BAZ2B: variants seen among roughly 807,000 people sequenced by gnomAD.
BAZ2B encodes bromodomain adjacent to zinc finger domain protein 2B.
In BAZ2B, 91 loss-of-function variants were observed where a neutral mutation model predicts 246.0. That is an observed-to-expected ratio of 0.37 (90% CI 0.31 to 0.44). The LOEUF (loss-of-function observed/expected upper bound fraction) is 0.44, where lower values mean the gene tolerates loss of function less well. BAZ2B is among the 20% of genes least tolerant of loss of function. BAZ2B has a pLI of 1.00. For synonymous variants in BAZ2B, 855 were observed against 860.0 expected (o/e 0.99, Z 0.10); for missense variants, 2,332 against 2,533.7 (o/e 0.92, Z 1.71).
intron 27 of BAZ2B, among the ~76,000 whole-genome samples, chr2:159,355,791 G>A (rs1185040628): frequency 6.6e-6 from 1 of 152,096 alleles, no homozygotes; most frequent in Non-Finnish European, 1.5e-5. Flanking sequence ...GAGGTACTTG[G>A]CTCATCTCAT....
At chr2:159,316,814 A>G (rs2062178979), downstream of BAZ2B, among the ~76,000 whole-genome samples, 1 of 151,700 alleles carries the variant, frequency 6.6e-6, no homozygotes, top group South Asian at 2.1e-4. Context: ...AGCCTGGCCA[A>G]TATAGTGAAA....
the BAZ2B span, among the ~76,000 whole-genome samples, chr2:159,673,755 TA>T: frequency 6.6e-6 from 1 of 151,880 alleles, no homozygotes; most frequent in Non-Finnish European, 1.5e-5. Context: ...ATCAAAACTA[TA>T]AAAAAGTACA....
chr2:159,574,208 A>G (rs1418034327), intron 1 of BAZ2B, among the ~76,000 whole-genome samples: 1 of 151,968 alleles, frequency 6.6e-6, no homozygotes, highest in African/African-American at 2.4e-5. Flanking sequence ...GTTTGAATAG[A>G]TATTTTATCA....
At chr2:159,456,140 A>G (rs942441520) in intron 3 of BAZ2B, among the ~76,000 whole-genome samples, 1 of 152,064 alleles carries the variant, frequency 6.6e-6, no homozygotes, top group Admixed American at 6.5e-5. Context: ...CCTCAAAATT[A>G]CAAAAGCTAT....
chr2:159,561,143 T>C (rs750247400), intron 1 of BAZ2B, among the ~76,000 whole-genome samples: 6 of 152,182 alleles, frequency 3.9e-5, no homozygotes, highest in Non-Finnish European at 5.9e-5. Context: ...CAGTGTGATA[T>C]TGCAGGAAAG....
intron 2 of BAZ2B, 54 bp from the exon 3 acceptor site, chr2:159,478,775 A>C: frequency 7.5e-7 from 1 of 1,329,648 alleles, no homozygotes; most frequent in South Asian, 2.1e-5. Flanking sequence ...TTTTTTCAAA[A>C]GAATTCAACA....
intron 2 of BAZ2B, among the ~76,000 whole-genome samples, chr2:159,501,039 G>A (rs2081647727): frequency 7.0e-6 from 1 of 142,580 alleles, no homozygotes; most frequent in Admixed American, 7.3e-5. Flanking sequence ...GGAGGCTGAG[G>A]CAGGCGGACT....
the BAZ2B span, among the ~76,000 whole-genome samples, chr2:159,640,280 T>C: frequency 1.3e-5 from 2 of 152,242 alleles, no homozygotes; most frequent in East Asian, 3.9e-4. Flanking sequence ...CTTTCAGCAT[T>C]GGACAGATCT....
chr2:159,576,346 A>G (rs1324741739), intron 1 of BAZ2B, among the ~76,000 whole-genome samples: 1 of 152,166 alleles, frequency 6.6e-6, no homozygotes, highest in East Asian at 1.9e-4. Flanking sequence ...ATTTACAGAA[A>G]AAAATAAAAG....
At chr2:159,491,389 T>C (rs2151021937) in intron 2 of BAZ2B, among the ~76,000 whole-genome samples, 1 of 152,154 alleles carries the variant, frequency 6.6e-6, no homozygotes, top group Non-Finnish European at 1.5e-5. Context: ...AATACTAGTG[T>C]TTGGGAGAAA....
chr2:159,463,003 T>G, intron 3 of BAZ2B: 2 of 785,102 alleles, frequency 2.5e-6, no homozygotes, highest in Non-Finnish European at 4.6e-6. Context: ...AAAACTCTGC[T>G]ATTACCCAGG....
At chr2:159,406,752 TTTC>T (rs1215595071) in intron 14 of BAZ2B, among the ~76,000 whole-genome samples, 2 of 152,070 alleles carry the variant, frequency 1.3e-5, no homozygotes, top group African/African-American at 2.4e-5. Context: ...AATTTTTCTT[TTTC>T]TTTCTTTTCT....
At chr2:159,617,440 T>C (rs533523459), upstream of BAZ2B, among the ~76,000 whole-genome samples, 23 of 152,040 alleles carry the variant, frequency 1.5e-4, 1 homozygote, top group South Asian at 3.1e-3. Context: ...AGCCTTAATC[T>C]TGATAACACT....
intron 36 of BAZ2B, among the ~76,000 whole-genome samples, chr2:159,321,134 A>G (rs2062666250): frequency 6.6e-6 from 1 of 152,240 alleles, no homozygotes; most frequent in Non-Finnish European, 1.5e-5. Flanking sequence ...GAGAAAAGAA[A>G]GGTGAATGAA....
At chr2:159,317,818 A>T (rs548349113), downstream of BAZ2B, among the ~76,000 whole-genome samples, 21 of 152,238 alleles carry the variant, frequency 1.4e-4, no homozygotes, top group Admixed American at 1.1e-3. Flanking sequence ...AGCCCAACCA[A>T]GGGCACTGGG....
At chr2:159,496,486 G>GAAAA in intron 2 of BAZ2B, among the ~76,000 whole-genome samples, 1 of 108,576 alleles carries the variant, frequency 9.2e-6, no homozygotes, top group East Asian at 2.7e-4. Context: ...GACTCTGCAG[G>GAAAA]AAAAAAAAAA....
chr2:159,430,260 T>G (rs1216875439), intron 10 of BAZ2B, among the ~76,000 whole-genome samples: 1 of 152,200 alleles, frequency 6.6e-6, no homozygotes, highest in Non-Finnish European at 1.5e-5. Context: ...CCTCAGCCTG[T>G]TCAACATGAA....
At chr2:159,431,774 C>T (rs1400830373) in intron 9 of BAZ2B, among the ~76,000 whole-genome samples, 2 of 152,144 alleles carry the variant, frequency 1.3e-5, no homozygotes, top group East Asian at 3.8e-4. Context: ...ATCCATTCCT[C>T]TACATATGTA....
At chr2:159,622,996 A>T in the BAZ2B span, among the ~76,000 whole-genome samples, 2 of 148,526 alleles carry the variant, frequency 1.3e-5, no homozygotes, top group Non-Finnish European at 3.0e-5. Flanking sequence ...GAAGAATGAA[A>T]GGAAGAGAGA....
Sources: gnomAD v4.1 joint callset for allele counts (sites outside exome capture counted in the v4.1 genomes callset) on GRCh38, gnomAD v4.1.1 for gene constraint, MANE v1.5 for transcripts, NCBI Gene and HGNC (gene_info 2026-07-23, HGNC 2026-07-21) for gene names.